SMYD3: variants seen among roughly 807,000 people sequenced by gnomAD.
The protein encoded by SMYD3 is histone-lysine N-methyltransferase SMYD3.
Under a neutral mutation model 57.7 loss-of-function variants are expected in SMYD3, and 36 were observed. The observed-to-expected ratio is 0.62, with a 90% CI of 0.48 to 0.82. The LOEUF (loss-of-function observed/expected upper bound fraction) is 0.82, where lower values mean the gene tolerates loss of function less well. SMYD3 is among the 40% of genes least tolerant of loss of function. The pLI is 0.00. For missense variants in SMYD3, 515 were observed against 538.8 expected (o/e 0.96, Z 0.44); for synonymous variants, 211 against 195.0 (o/e 1.08, Z -0.68).
chr1:246,221,577 A>C (rs2063253951), intron 5 of SMYD3, among the ~76,000 whole-genome samples: 1 of 152,152 alleles, frequency 6.6e-6, no homozygotes, highest in Non-Finnish European at 1.5e-5. Flanking sequence ...AGTTTCCGGG[A>C]TGTCACCACA....
At chr1:245,896,668 C>A (rs10754483) in intron 8 of SMYD3, among the ~76,000 whole-genome samples, 10 of 152,148 alleles carry the variant, frequency 6.6e-5, no homozygotes, top group South Asian at 4.1e-4. Flanking sequence ...ACCTGTTCCC[C>A]TGTGCTAGAT....
At position 246,443,931 on chromosome 1, in the gene SMYD3, T is replaced by C. The variant is rs1328050303; in HGVS notation, c.164+63123A>G. On this transcript the variant is annotated intron_variant, in intron 1 of 11. Transcript: ENST00000490107. The stretch of plus-strand genomic sequence containing the variant: ...ATTCATATTTCATTTCAAATAAAAG[T>C]GCTAATCTGCCTTCCCTATAAACCC... Among the ~76,000 whole-genome samples, 3 of 151,532 alleles carry C rather than the reference T, an allele frequency of 2.0e-5. No individual in the cohort carries two copies. The East Asian group carries it at 5.8e-4, about 29-fold the overall frequency.
At chr1:246,260,075 C>T (rs1410812090) in intron 5 of SMYD3, among the ~76,000 whole-genome samples, 1 of 152,138 alleles carries the variant, frequency 6.6e-6, no homozygotes, top group Non-Finnish European at 1.5e-5. Flanking sequence ...TCTGTCTGGG[C>T]ATGGAGCAGA....
intron 10 of SMYD3, among the ~76,000 whole-genome samples, chr1:245,856,911 G>A (rs2051271408): frequency 6.6e-6 from 1 of 152,184 alleles, no homozygotes; most frequent in African/African-American, 2.4e-5. Flanking sequence ...GGCTTCCTCA[G>A]AGCAAGCCCT....
At chr1:245,996,178 T>C (rs1288001425) in intron 5 of SMYD3, among the ~76,000 whole-genome samples, 1 of 152,186 alleles carries the variant, frequency 6.6e-6, no homozygotes, top group Non-Finnish European at 1.5e-5. Context: ...CCACAGATTG[T>C]GCTGCTCTAA....
At chr1:245,892,281 A>G (rs1322416929) in intron 8 of SMYD3, among the ~76,000 whole-genome samples, 1 of 152,222 alleles carries the variant, frequency 6.6e-6, no homozygotes. Context: ...ATTTCCCCAG[A>G]TCATTCAATA....
At chr1:245,897,592 T>C (rs982945999) in intron 8 of SMYD3, among the ~76,000 whole-genome samples, 1 of 152,130 alleles carries the variant, frequency 6.6e-6, no homozygotes, top group African/African-American at 2.4e-5. Flanking sequence ...AGTTACCTCT[T>C]TTATTAAGAA....
chr1:246,315,892 C>T (rs996669693), intron 5 of SMYD3, among the ~76,000 whole-genome samples: 1 of 152,336 alleles, frequency 6.6e-6, no homozygotes, highest in South Asian at 2.1e-4. Context: ...ACCAAGTCAT[C>T]TTATTTTCCA....
At chr1:246,048,845 G>A (rs2060014012) in intron 5 of SMYD3, among the ~76,000 whole-genome samples, 1 of 152,004 alleles carries the variant, frequency 6.6e-6, no homozygotes, top group East Asian at 1.9e-4. Flanking sequence ...TGTCTGTTGT[G>A]GGATTCCTTT....
At chr1:246,135,927 G>A (rs2061659555) in intron 5 of SMYD3, among the ~76,000 whole-genome samples, 1 of 152,104 alleles carries the variant, frequency 6.6e-6, no homozygotes, top group Non-Finnish European at 1.5e-5. Context: ...TGTATATCAA[G>A]TGTAAGGCTT....
At chr1:246,214,157 G>A (rs2063128883) in intron 5 of SMYD3, among the ~76,000 whole-genome samples, 1 of 152,172 alleles carries the variant, frequency 6.6e-6, no homozygotes, top group African/African-American at 2.4e-5. Flanking sequence ...TCTTTACAAT[G>A]GCAAGTTGTG....
At chr1:245,806,879 C>T (rs1344726639) in intron 10 of SMYD3, among the ~76,000 whole-genome samples, 2 of 128,746 alleles carry the variant, frequency 1.6e-5, no homozygotes, top group African/African-American at 6.0e-5. Context: ...CACTGCAGTC[C>T]GCAATCCGGC....
chr1:246,236,813 A>G (rs1224387429), intron 5 of SMYD3, among the ~76,000 whole-genome samples: 1 of 152,170 alleles, frequency 6.6e-6, no homozygotes, highest in African/African-American at 2.4e-5. Context: ...TGCCCAGCCA[A>G]CCATACATTT....
intron 5 of SMYD3, among the ~76,000 whole-genome samples, chr1:246,008,761 A>G (rs1045238274): frequency 6.6e-6 from 1 of 152,154 alleles, no homozygotes; most frequent in Admixed American, 6.5e-5. Flanking sequence ...TCATGCTGCC[A>G]AAGTCATTTG....
chr1:246,023,849 G>C (rs1315958420), intron 5 of SMYD3, among the ~76,000 whole-genome samples: 1 of 149,780 alleles, frequency 6.7e-6, no homozygotes, highest in Non-Finnish European at 1.5e-5. Context: ...GTGTGTTACT[G>C]AAAAATATCA....
chr1:246,256,607 T>C (rs1168487457), intron 5 of SMYD3, among the ~76,000 whole-genome samples: 1 of 152,250 alleles, frequency 6.6e-6, no homozygotes, highest in Non-Finnish European at 1.5e-5. Context: ...ATCTTGTGTA[T>C]CCTTTCAAAT....
At chr1:246,233,686 T>C (rs2063462696) in intron 5 of SMYD3, among the ~76,000 whole-genome samples, 7 of 121,464 alleles carry the variant, frequency 5.8e-5, no homozygotes, top group Admixed American at 7.7e-5. Flanking sequence ...AAGCACTCCT[T>C]CAATTCACAC....
chr1:246,317,352 T>A (rs1313495347), intron 5 of SMYD3, among the ~76,000 whole-genome samples: 1 of 152,244 alleles, frequency 6.6e-6, no homozygotes, highest in Non-Finnish European at 1.5e-5. Context: ...CACATCCTAT[T>A]TCCAATTGTG....
intron 5 of SMYD3, among the ~76,000 whole-genome samples, chr1:245,936,127 G>A (rs1251266719): frequency 6.6e-6 from 1 of 152,040 alleles, no homozygotes; most frequent in Non-Finnish European, 1.5e-5. Context: ...AATTCACATT[G>A]TACTCTAAAT....
Sources: gnomAD v4.1 joint callset for allele counts (sites outside exome capture counted in the v4.1 genomes callset) on GRCh38, gnomAD v4.1.1 for gene constraint, MANE v1.5 for transcripts, NCBI Gene and HGNC (gene_info 2026-07-23, HGNC 2026-07-21) for gene names.